The following TAMM41 variants were observed in gnomAD, a reference collection of about 807,000 sequenced individuals.
TAMM41 encodes the protein phosphatidate cytidylyltransferase, mitochondrial.
A neutral mutation model predicts 44.1 loss-of-function variants in TAMM41; 36 were observed. The ratio of observed to expected loss-of-function variants is 0.82; its 90% CI spans 0.63 to 1.08. TAMM41 has a LOEUF of 1.08. TAMM41 is among the 50% of genes least tolerant of loss of function. The pLI, the probability that TAMM41 is intolerant of heterozygous loss-of-function variation, is 0.00. For missense variants in TAMM41, 417 were observed against 404.3 expected (o/e 1.03, Z -0.27); for synonymous variants, 164 against 153.1 (o/e 1.07, Z -0.53).
chr3:11,822,258 G>C (rs2078554568), intron 4 of TAMM41, among the ~76,000 whole-genome samples: 1 of 152,252 alleles, frequency 6.6e-6, no homozygotes, highest in East Asian at 1.9e-4. Flanking sequence ...GCCCAAACTG[G>C]ATATTGATAT....
chr3:11,824,028 T>C (rs2078639820), intron 4 of TAMM41, among the ~76,000 whole-genome samples: 2 of 151,990 alleles, frequency 1.3e-5, no homozygotes, highest in East Asian at 1.9e-4. Context: ...GGTTTCACCA[T>C]GTTGGCCAGA....
chr3:11,725,328 C>T, the TAMM41 span, among the ~76,000 whole-genome samples: 5 of 118,884 alleles, frequency 4.2e-5, no homozygotes, highest in South Asian at 7.9e-4. Flanking sequence ...CCTCCTCCTC[C>T]TTTTTTTCTT....
chr3:11,757,933 G>C, the TAMM41 span, among the ~76,000 whole-genome samples: 1 of 152,328 alleles, frequency 6.6e-6, no homozygotes, highest in African/African-American at 2.4e-5. Context: ...AGGGTAGGGG[G>C]ACACTGAAGA....
chr3:11,766,175 T>G, the TAMM41 span, among the ~76,000 whole-genome samples: 1 of 151,720 alleles, frequency 6.6e-6, no homozygotes, highest in Admixed American at 6.6e-5. Context: ...TTGTTGTTGG[T>G]TTTTTTTGAG....
At chr3:11,805,090 G>A (rs990330366) in intron 7 of TAMM41, among the ~76,000 whole-genome samples, 6 of 131,932 alleles carry the variant, frequency 4.5e-5, no homozygotes, top group South Asian at 5.2e-4. Context: ...TGCAACTTCC[G>A]CCTCCCAGGT....
chr3:11,821,404 A>G (rs2125001800), intron 4 of TAMM41, among the ~76,000 whole-genome samples: 1 of 152,320 alleles, frequency 6.6e-6, no homozygotes, highest in East Asian at 1.9e-4. Context: ...TGCAACCTAG[A>G]TTCCTCATAT....
intron 7 of TAMM41, among the ~76,000 whole-genome samples, chr3:11,805,939 G>C (rs537943853): frequency 2.4e-4 from 37 of 152,264 alleles, no homozygotes; most frequent in African/African-American, 8.7e-4. Flanking sequence ...ATTGAATCAC[G>C]AAGGCAGGTC....
chr3:11,846,870 C>G lies in TAMM41; in HGVS notation c.-234G>C. ...TAGGCTCGGGTGGGCGGCGGTCGCA[C>G]AGGCAGAGCTTCCGTCCCTTGCTAC... On this transcript the variant is annotated 5_prime_UTR_variant, in exon 1 of 8. Coordinates refer to ENST00000455809, the MANE Select transcript of TAMM41 (RefSeq NM_001284401.2). 5.5e-6 allele frequency: 3 copies of G among 543,278 alleles called. No homozygotes were observed. The highest frequency in any genetic ancestry group is 9.9e-6 in the Non-Finnish European group (3 of 302,180). 33.7% of individuals were successfully genotyped at this position (543,278 alleles called of 1,614,324 possible).
At chr3:11,750,148 G>A in the TAMM41 span, among the ~76,000 whole-genome samples, 5 of 151,932 alleles carry the variant, frequency 3.3e-5, no homozygotes, top group African/African-American at 7.3e-5. Flanking sequence ...CGCCCGCCTC[G>A]GCCTCCCAAA....
At chr3:11,776,349 C>T in the TAMM41 span, among the ~76,000 whole-genome samples, 45 of 151,950 alleles carry the variant, frequency 3.0e-4, no homozygotes, top group East Asian at 6.8e-3. Context: ...GACAGGGTCT[C>T]ACTATGTTGC....
At chr3:11,767,626 A>ATTTTTTTGTTTTTTTTTT in the TAMM41 span, among the ~76,000 whole-genome samples, 1 of 60,692 alleles carries the variant, frequency 1.6e-5, no homozygotes, top group African/African-American at 7.5e-5. Context: ...CACGTTGTGC[A>ATTTTTTTGTTTTTTTTTT]TTTTTTTTTT....
intron 2 of TAMM41, chr3:11,843,751 C>T: frequency 5.3e-6 from 2 of 376,564 alleles, no homozygotes; most frequent in Non-Finnish European, 9.4e-6. Context: ...GTCAGTCACA[C>T]CCAACCACCT....
At chr3:11,809,443 T>C in intron 6 of TAMM41, 74 bp downstream of exon 6, 2 of 1,547,042 alleles carry the variant, frequency 1.3e-6, no homozygotes, top group Non-Finnish European at 8.8e-7. Flanking sequence ...GAAGAAATAA[T>C]ACATTCCAAT....
chr3:11,745,593 T>TC, the TAMM41 span, among the ~76,000 whole-genome samples: 1 of 152,184 alleles, frequency 6.6e-6, no homozygotes, highest in Non-Finnish European at 1.5e-5. Flanking sequence ...CCAAATACTG[T>TC]ATATTTCCAC....
chr3:11,777,786 T>C, the TAMM41 span, among the ~76,000 whole-genome samples: 1 of 152,178 alleles, frequency 6.6e-6, no homozygotes, highest in Non-Finnish European at 1.5e-5. Context: ...GGAACGAGAT[T>C]CCATCTCAAA....
At chr3:11,793,693 C>T (rs2881552) in intron 7 of TAMM41, among the ~76,000 whole-genome samples, 1 of 152,184 alleles carries the variant, frequency 6.6e-6, no homozygotes, top group East Asian at 1.9e-4. Context: ...ATGAATCTCC[C>T]TATGTTATAA....
chr3:11,832,533 A>G (rs1263284002), intron 3 of TAMM41, among the ~76,000 whole-genome samples: 1 of 152,186 alleles, frequency 6.6e-6, no homozygotes, highest in Non-Finnish European at 1.5e-5. Flanking sequence ...CATGGACACC[A>G]AGGGATGACA....
downstream of TAMM41, among the ~76,000 whole-genome samples, chr3:11,786,874 G>A (rs937051308): frequency 4.0e-5 from 6 of 151,830 alleles, no homozygotes; most frequent in African/African-American, 1.2e-4. Context: ...GATTACACGT[G>A]TGAGCCACCA....
intron 7 of TAMM41, 86 bp from the exon 8 acceptor site, chr3:11,790,667 T>C: frequency 8.0e-7 from 1 of 1,246,546 alleles, no homozygotes; most frequent in Non-Finnish European, 1.2e-6. Context: ...AGCAGACTTG[T>C]CTTTGGAGGA....
Sources: allele counts gnomAD v4.1 joint callset (sites outside exome capture counted in the v4.1 genomes callset), GRCh38; gene constraint gnomAD v4.1.1; transcripts MANE v1.5; gene names NCBI Gene and HGNC (gene_info 2026-07-23, HGNC 2026-07-21).